GPBP1L1: variants seen among roughly 807,000 people sequenced by gnomAD.
The protein encoded by GPBP1L1 is GC-rich promoter binding protein 1 like 1, also known as vasculin-like protein 1.
Under a neutral mutation model 52.5 loss-of-function variants are expected in GPBP1L1, and 23 were observed. The observed-to-expected ratio is 0.44, with a 90% CI of 0.32 to 0.62. The LOEUF (loss-of-function observed/expected upper bound fraction) is 0.62, where lower values mean the gene tolerates loss of function less well. Ranked by LOEUF, GPBP1L1 falls within the 20% of genes least tolerant of loss-of-function variation. The probability of loss-of-function intolerance (pLI) is 0.06; values close to 1 mark genes in which losing one functional copy is unlikely to be tolerated. For missense variants in GPBP1L1, 596 were observed against 579.3 expected, an observed-to-expected ratio of 1.03 and a Z score of -0.30; for synonymous variants, 243 against 203.1, an observed-to-expected ratio of 1.20 and a Z score of -1.67.
At chr1:45,669,237 T>C (rs1645046151) in intron 2 of GPBP1L1, among the ~76,000 whole-genome samples, 1 of 152,228 alleles carries the variant, frequency 6.6e-6, no homozygotes, top group Admixed American at 6.5e-5. Flanking sequence ...ACAATCATAG[T>C]TCACCATAGC....
Position 45,628,396 on chromosome 1 carries a change from C to T in GPBP1L1, c.1285G>A (p.Gly429Ser). Reference protein sequence around the residue: ...HMKTEQLRRNGFGKNGFLQSR... With the variant: ...HMKTEQLRRNSFGKNGFLQSR... ...TGCAAGAAGCCATTCTTTCCAAAGC[C>T]ATTTCTTCTCAGCTATGGTTAGCAT... The change falls in exon 13 of 13, where the codon GGC (glycine) becomes AGC (serine). Residue 429 changes from glycine to serine, a missense_variant. Physicochemically the swap from Gly to Ser is moderately conservative, Grantham distance 56. Coordinates refer to ENST00000355105, the MANE Select transcript of GPBP1L1 (RefSeq NM_021639.5). 6.2e-7 allele frequency: 1 copy of T among 1,613,620 alleles called. No individual in the cohort carries two copies. Among genetic ancestry groups the T allele is most frequent in the South Asian group, 1.1e-5 (1 of 91,028 alleles).
At chr1:45,676,518 G>A (rs1231503993) in intron 2 of GPBP1L1, among the ~76,000 whole-genome samples, 1 of 151,908 alleles carries the variant, frequency 6.6e-6, no homozygotes, top group Non-Finnish European at 1.5e-5. Flanking sequence ...AGACCATCCT[G>A]GCTAACATGG....
At chr1:45,683,949 T>A (rs1430506068) in intron 2 of GPBP1L1, among the ~76,000 whole-genome samples, 1 of 148,686 alleles carries the variant, frequency 6.7e-6, no homozygotes, top group African/African-American at 2.5e-5. Flanking sequence ...AATAAACCAG[T>A]ATACTTATAA....
At chr1:45,678,848 G>GTTGGT (rs1645178869) in intron 2 of GPBP1L1, among the ~76,000 whole-genome samples, 2 of 152,208 alleles carry the variant, frequency 1.3e-5, no homozygotes, top group East Asian at 3.9e-4. Flanking sequence ...TTACTCACAT[G>GTTGGT]GAAAGTGGGT....
chr1:45,644,325 T>G (rs1644712936), intron 6 of GPBP1L1, among the ~76,000 whole-genome samples: 1 of 152,222 alleles, frequency 6.6e-6, no homozygotes, highest in South Asian at 2.1e-4. Flanking sequence ...GAGACAATGC[T>G]CCTATTTATA....
chr1:45,659,361 C>A (rs1644920300), intron 3 of GPBP1L1, among the ~76,000 whole-genome samples: 1 of 152,082 alleles, frequency 6.6e-6, no homozygotes, highest in African/African-American at 2.4e-5. Flanking sequence ...TAACATGAGC[C>A]TGGAAGATTT....
chr1:45,639,718 A>T (rs1400852662), intron 8 of GPBP1L1, among the ~76,000 whole-genome samples: 1 of 151,896 alleles, frequency 6.6e-6, no homozygotes, highest in East Asian at 1.9e-4. Flanking sequence ...TCTACTAAAA[A>T]TACAAAAAAA....
chr1:45,634,497 T>C (rs943032569), intron 8 of GPBP1L1: 4 of 328,676 alleles, frequency 1.2e-5, no homozygotes, highest in Non-Finnish European at 2.2e-5. Context: ...TTCAATGAGT[T>C]TGGGAGGTGC....
upstream of GPBP1L1, chr1:45,686,663 G>C (rs1040370969): frequency 6.6e-6 from 1 of 152,288 alleles, no homozygotes; most frequent in Non-Finnish European, 1.5e-5. Flanking sequence ...GCAAGGGACT[G>C]CTCCGGCGAC....
rs200668339 is a variant in GPBP1L1 at position 45,677,022 on chromosome 1, C to CA, written c.-1098+8553dup. ...CTGAGCCACATGGTAAGATCTCTACCAAAAAAAAACAAAACAAAGCTAAAA... is the reference window on the plus strand; with the variant it reads ...CTGAGCCACATGGTAAGATCTCTACCAAAAAAAAAACAAAACAAAGCTAAAA... On this transcript the variant is annotated intron_variant, in intron 2 of 12. Coordinates refer to ENST00000355105, the MANE Select transcript of GPBP1L1 (RefSeq NM_021639.5). Among the ~76,000 whole-genome samples the CA allele has an allele frequency of 2.5e-3, 357 of 144,654 alleles. 2 individuals carry two copies. The highest frequency in any genetic ancestry group is 7.8e-3 in the African/African-American group (306 of 39,266). 94.9% of individuals were successfully genotyped at this position (144,654 alleles called of 152,430 possible).
At chr1:45,653,188 C>T (rs1457528911) in intron 6 of GPBP1L1, among the ~76,000 whole-genome samples, 1 of 152,120 alleles carries the variant, frequency 6.6e-6, no homozygotes, top group Non-Finnish European at 1.5e-5. Flanking sequence ...CTTTAGGTGA[C>T]TCTACTAACT....
At chr1:45,636,635 C>A (rs759638763) in intron 8 of GPBP1L1, among the ~76,000 whole-genome samples, 3 of 152,202 alleles carry the variant, frequency 2.0e-5, no homozygotes, top group Non-Finnish European at 4.4e-5. Context: ...TAATGAACTA[C>A]TGTACTACTG....
intron 2 of GPBP1L1, among the ~76,000 whole-genome samples, chr1:45,663,696 A>G (rs1644974702): frequency 6.6e-6 from 1 of 152,246 alleles, no homozygotes; most frequent in Non-Finnish European, 1.5e-5. Flanking sequence ...TTCTGGAAGT[A>G]AAAGACTAAA....
intron 10 of GPBP1L1, among the ~76,000 whole-genome samples, chr1:45,632,017 C>A (rs1644537256): frequency 6.6e-6 from 1 of 151,968 alleles, no homozygotes; most frequent in Non-Finnish European, 1.5e-5. Context: ...GGTCTGGAAT[C>A]CGAGACCAGC....
At chr1:45,644,558 T>A (rs1301238155) in intron 6 of GPBP1L1, among the ~76,000 whole-genome samples, 2 of 31,658 alleles carry the variant, frequency 6.3e-5, no homozygotes, top group Non-Finnish European at 1.4e-4. Context: ...GATCACTGCA[T>A]TTTTTTTTTT....
chr1:45,657,834 CAG>C (rs1644903152), intron 4 of GPBP1L1, among the ~76,000 whole-genome samples: 1 of 152,108 alleles, frequency 6.6e-6, no homozygotes, highest in South Asian at 2.1e-4. Flanking sequence ...GCCTCGGTGA[CAG>C]AGACCCTGTC....
At position 45,634,218 on chromosome 1, in the gene GPBP1L1, T is replaced by G; in HGVS notation, c.763A>C (p.Asn255His). ...PPSKPNAWKA[N>H]RMEHKSGSLS... Reference sequence around the variant, plus strand: ...GATCCTGACTTGTGCTCCATCCTGTTAGCTTTCCATGCATTAGGCTACACA... The same window carrying G: ...GATCCTGACTTGTGCTCCATCCTGTGAGCTTTCCATGCATTAGGCTACACA... Residue 255 changes from asparagine to histidine, a missense_variant, in exon 9 of 13, where the codon AAC becomes CAC. Asn to His is a moderately conservative substitution (Grantham distance 68). Coordinates refer to ENST00000355105, the MANE Select transcript of GPBP1L1 (RefSeq NM_021639.5). 1 of 1,613,162 alleles carries G rather than the reference T, an allele frequency of 6.2e-7. No individual in the cohort carries two copies. Among genetic ancestry groups the G allele is most frequent in the Non-Finnish European group, 8.5e-7 (1 of 1,179,406 alleles).
At chr1:45,632,978 A>G (rs1644549299) in intron 10 of GPBP1L1, among the ~76,000 whole-genome samples, 1 of 152,236 alleles carries the variant, frequency 6.6e-6, no homozygotes, top group Non-Finnish European at 1.5e-5. Context: ...CACACCTATC[A>G]GGAGGGCCAA....
rs1644933805 is a variant in GPBP1L1 at position 45,660,320 on chromosome 1, G to A, written c.-192C>T. On this transcript the variant is annotated 5_prime_UTR_variant, in exon 3 of 13. Transcript: ENST00000355105. ...TTATGATGAAGCACGAAGAAGCCAG[G>A]TTCTGTGTCGATCACTCTCTCAGTC... 3 of 985,264 alleles carry A rather than the reference G, an allele frequency of 3.0e-6. No individual in the cohort carries two copies. Among genetic ancestry groups the A allele is most frequent in the African/African-American group, 1.7e-5 (1 of 57,272 alleles). 61.0% of individuals were successfully genotyped at this position (985,264 alleles called of 1,614,324 possible).
Sources: gnomAD v4.1 joint callset for allele counts (sites outside exome capture counted in the v4.1 genomes callset) on GRCh38, gnomAD v4.1.1 for gene constraint, MANE v1.5 for transcripts, NCBI Gene and HGNC (gene_info 2026-07-23, HGNC 2026-07-21) for gene names.